The following ERP27 variants were observed in gnomAD, a reference collection of about 807,000 sequenced individuals.
ERP27 encodes endoplasmic reticulum resident protein 27.
In ERP27, 23 loss-of-function variants were observed where a neutral mutation model predicts 27.7. That is an observed-to-expected ratio of 0.83 (90% CI 0.60 to 1.18). The LOEUF (loss-of-function observed/expected upper bound fraction) is 1.18, where lower values mean the gene tolerates loss of function less well. ERP27 is among the 50% of genes most tolerant of loss of function. The pLI is 0.00. For synonymous variants in ERP27, 159 were observed against 118.3 expected, an observed-to-expected ratio of 1.34 and a Z score of -2.23; for missense variants, 363 against 327.9, an observed-to-expected ratio of 1.11 and a Z score of -0.83.
chr12:14,931,475 A>G (rs965941048), intron 3 of ERP27, among the ~76,000 whole-genome samples: 10 of 152,152 alleles, frequency 6.6e-5, no homozygotes, highest in African/African-American at 2.4e-4. Context: ...GAAAGCTGGC[A>G]TGACAAAAGT....
intron 3 of ERP27, among the ~76,000 whole-genome samples, chr12:14,927,771 CACACACTT>C: frequency 6.6e-6 from 1 of 151,730 alleles, no homozygotes; most frequent in East Asian, 1.9e-4. Flanking sequence ...CACACACACA[CACACACTT>C]ACACACACAT....
chr12:14,915,749 T>C (rs777842113), intron 5 of ERP27, 63 bp from the exon 6 acceptor site: 9 of 1,424,294 alleles, frequency 6.3e-6, no homozygotes, highest in Non-Finnish European at 8.8e-6. Flanking sequence ...GATAAAGAGA[T>C]ACCTTGTAAT....
chr12:14,919,408 G>A (rs1241387609), intron 4 of ERP27, among the ~76,000 whole-genome samples: 3 of 152,124 alleles, frequency 2.0e-5, no homozygotes, highest in Non-Finnish European at 4.4e-5. Flanking sequence ...CTTGCAAAAT[G>A]CCACAACACG....
chr12:14,915,024 C>T (rs188230141), intron 6 of ERP27, among the ~76,000 whole-genome samples: 1 of 152,272 alleles, frequency 6.6e-6, no homozygotes. Flanking sequence ...ATCCTGACTC[C>T]GGCCACCATA....
chr12:14,918,127 T>C (rs1863442912), intron 4 of ERP27, among the ~76,000 whole-genome samples: 1 of 152,182 alleles, frequency 6.6e-6, no homozygotes, highest in Admixed American at 6.5e-5. Flanking sequence ...TAATTTAATC[T>C]TCAAGGTCCC....
chr12:14,921,111 C>T (rs1863496925), intron 3 of ERP27, 63 bp from the exon 4 acceptor site: 1 of 1,331,170 alleles, frequency 7.5e-7, no homozygotes, highest in African/African-American at 1.4e-5. Flanking sequence ...TGATAAACGT[C>T]TTTAGACCCC....
At chr12:14,919,919 TG>T (rs1469212107) in intron 4 of ERP27, among the ~76,000 whole-genome samples, 4 of 152,154 alleles carry the variant, frequency 2.6e-5, no homozygotes, top group Admixed American at 2.0e-4. Flanking sequence ...CTCTATAAAA[TG>T]GACACAATAA....
At chr12:14,925,024 C>T (rs1482325364) in intron 3 of ERP27, among the ~76,000 whole-genome samples, 1 of 152,218 alleles carries the variant, frequency 6.6e-6, no homozygotes, top group Non-Finnish European at 1.5e-5. Flanking sequence ...GGATAATCCA[C>T]CGCTTAGTGC....
At chr12:14,924,223 C>T (rs774186313) in intron 3 of ERP27, among the ~76,000 whole-genome samples, 2 of 152,170 alleles carry the variant, frequency 1.3e-5, no homozygotes, top group Non-Finnish European at 2.9e-5. Flanking sequence ...TTTTTTATGG[C>T]TGAATAGTGT....
rs955461677 is a variant in ERP27, at chr12:14,914,393, A to G, written c.*342T>C. ...CTTTCTCTAGGAATGCCTCTCTTTCATAGAGGCATCACAGTGAGTCTCTTA... is the reference window on the plus strand; with the variant it reads ...CTTTCTCTAGGAATGCCTCTCTTTCGTAGAGGCATCACAGTGAGTCTCTTA... On this transcript the variant is annotated 3_prime_UTR_variant, in exon 7 of 7. Transcript: ENST00000266397. 2.6e-5 allele frequency: 7 copies of G among 265,052 alleles called. No homozygotes were observed. The highest frequency in any genetic ancestry group is 5.0e-5 in the Non-Finnish European group (7 of 140,540). 16.4% of individuals were successfully genotyped at this position (265,052 alleles called of 1,614,324 possible). A position where few individuals can be genotyped will look rare whatever the true frequency, so the allele number is the denominator to read the frequency against.
In ERP27 at chr12:14,921,157, A is replaced by G. The variant is rs1214322547; in HGVS notation, c.334-109T>C. On this transcript the variant is annotated intron_variant, in intron 3 of 6. Coordinates refer to ENST00000266397, the MANE Select transcript of ERP27 (RefSeq NM_152321.4). ...GCACTGATTAAAGCTCTGAAGACCA[A>G]AAGATAAGTAAGAGAGTTTCTCTGC... The G allele has an allele frequency of 4.8e-6, 4 of 836,558 alleles. No homozygotes were observed. The Admixed American group carries it at 8.4e-5, about 18-fold the overall frequency. The allele number at this position is 836,558 out of a possible 1,614,324, so 51.8% of individuals were successfully genotyped here.
Position 14,938,446 on chromosome 12 carries a change from T to C in ERP27, c.63A>G (p.Ala21=). ...LLFLLTCELA[A]EVAAEVEKSS... ...ATTTCTCAACTTCTGCAGCAACTTCTGCAGCCAGCTCACACGTGAGGAGAA... is the reference window on the plus strand; with the variant it reads ...ATTTCTCAACTTCTGCAGCAACTTCCGCAGCCAGCTCACACGTGAGGAGAA... The change falls in exon 1 of 7, where the codon GCA becomes GCG. Residue 21 remains alanine (A), a synonymous_variant. Coordinates refer to ENST00000266397, the MANE Select transcript of ERP27 (RefSeq NM_152321.4). 6.2e-7 allele frequency: 1 copy of C among 1,614,152 alleles called. No individual in the cohort carries two copies. Among genetic ancestry groups the C allele is most frequent in the Non-Finnish European group, 8.5e-7 (1 of 1,179,996 alleles).
rs537033764 is a variant in ERP27, at chr12:14,914,482, T to C, written c.*253A>G. 2.5e-5 allele frequency: 12 copies of C among 473,066 alleles called. No homozygotes were observed. The highest frequency in any genetic ancestry group is 4.1e-5 in the Non-Finnish European group (11 of 268,106). The allele number at this position is 473,066 out of a possible 1,614,324, so 29.3% of individuals were successfully genotyped here. ...GTATGAATGCACGATAAGAAGGAAATTGGATAGGGAGTGAGGATATGAAAT... is the reference window on the plus strand; with the variant it reads ...GTATGAATGCACGATAAGAAGGAAACTGGATAGGGAGTGAGGATATGAAAT... On this transcript the variant is annotated 3_prime_UTR_variant, in exon 7 of 7. Transcript: ENST00000266397.
Position 14,914,579 on chromosome 12 carries a change from C to CGA in ERP27, c.*155_*156insTC. The CGA allele has an allele frequency of 4.3e-6, 2 of 468,202 alleles. No homozygotes were observed. Among genetic ancestry groups the CGA allele is most frequent in the Non-Finnish European group, 7.6e-6 (2 of 264,286 alleles). 29.0% of individuals were successfully genotyped at this position (468,202 alleles called of 1,614,324 possible). On this transcript the variant is annotated 3_prime_UTR_variant, in exon 7 of 7. Transcript: ENST00000266397. ...AGCTCTGTGTGTGTGTGTGTGTGTG[C>CGA]GTGTGTGTGTGCACGCGTGCGTGCG... is the stretch of plus-strand genomic sequence containing the variant.
intron 2 of ERP27, among the ~76,000 whole-genome samples, chr12:14,937,318 C>T (rs1863787264): frequency 6.6e-6 from 1 of 152,166 alleles, no homozygotes; most frequent in South Asian, 2.1e-4. Context: ...TTTCCAGATG[C>T]TACCACCAGA....
intron 3 of ERP27, chr12:14,928,933 G>A: frequency 1.3e-6 from 2 of 1,534,692 alleles, no homozygotes; most frequent in Non-Finnish European, 8.7e-7. Context: ...GATACTTAAT[G>A]CTGCTACCGA....
chr12:14,931,809 T>C (rs1456220601), intron 3 of ERP27, among the ~76,000 whole-genome samples: 1 of 152,074 alleles, frequency 6.6e-6, no homozygotes, highest in African/African-American at 2.4e-5. Flanking sequence ...AATCAGGCCT[T>C]ATAAGACCGA....
chr12:14,929,925 C>T (rs1863673165), intron 3 of ERP27, among the ~76,000 whole-genome samples: 1 of 149,336 alleles, frequency 6.7e-6, no homozygotes, highest in Non-Finnish European at 1.5e-5. Flanking sequence ...TAAAGCTGTT[C>T]AGCTTATCAT....
At chr12:14,922,850 C>G (rs1053464241) in intron 3 of ERP27, among the ~76,000 whole-genome samples, 1 of 152,028 alleles carries the variant, frequency 6.6e-6, no homozygotes, top group African/African-American at 2.4e-5. Context: ...CCGAGGCCAG[C>G]GGATCACCTG....
Sources: gnomAD v4.1 joint callset for allele counts (sites outside exome capture counted in the v4.1 genomes callset) on GRCh38, gnomAD v4.1.1 for gene constraint, MANE v1.5 for transcripts, NCBI Gene and HGNC (gene_info 2026-07-23, HGNC 2026-07-21) for gene names.